Variants in ATXN2 observed in about 807,000 individuals in gnomAD.
ATXN2 encodes ataxin-2.
A neutral mutation model predicts 138.6 loss-of-function variants in ATXN2; 37 were observed. The observed-to-expected ratio is 0.27, with a 90% CI of 0.21 to 0.35. The LOEUF is 0.35. Among genes scored for constraint, ATXN2 ranks in the 10% least tolerant of loss-of-function variants. The pLI is 1.00. For synonymous variants in ATXN2, 549 were observed against 543.7 expected (o/e 1.01, Z -0.13); for missense variants, 1,216 against 1,480.3 (o/e 0.82, Z 2.93).
At chr12:111,494,411 C>A (rs1294996221) in intron 14 of ATXN2, among the ~76,000 whole-genome samples, 1 of 151,230 alleles carries the variant, frequency 6.6e-6, no homozygotes, top group African/African-American at 2.4e-5. Flanking sequence ...TTATTTGCAA[C>A]CCTTATGTGA....
chr12:111,553,467 T>C (rs1190183714), intron 3 of ATXN2, among the ~76,000 whole-genome samples: 1 of 143,048 alleles, frequency 7.0e-6, no homozygotes, highest in Non-Finnish European at 1.5e-5. Flanking sequence ...ATACCTAATA[T>C]AATGTAAATG....
chr12:111,509,026 T>C (rs1879351881), intron 14 of ATXN2, among the ~76,000 whole-genome samples: 1 of 152,200 alleles, frequency 6.6e-6, no homozygotes, highest in Non-Finnish European at 1.5e-5. Flanking sequence ...GGTCTCAAAA[T>C]CTACCTCGAT....
intron 1 of ATXN2, among the ~76,000 whole-genome samples, chr12:111,576,095 CAT>C (rs1883626472): frequency 7.8e-6 from 1 of 128,082 alleles, no homozygotes; most frequent in African/African-American, 3.9e-5. Context: ...AATAACATAA[CAT>C]AACATAACAT....
chr12:111,585,216 C>G (rs1884257130), intron 1 of ATXN2, among the ~76,000 whole-genome samples: 2 of 152,030 alleles, frequency 1.3e-5, no homozygotes, highest in Admixed American at 6.6e-5. Flanking sequence ...TATAAACTTA[C>G]AGTCAAAACT....
In ATXN2 at chr12:111,581,453, G is replaced by C. The variant is rs115686169; in HGVS notation, c.251+17331C>G. On this transcript the variant is annotated intron_variant, in intron 1 of 24. Coordinates refer to ENST00000673436, the MANE Select transcript of ATXN2 (RefSeq NM_001372574.1). ...CCCTAACTATGAGATGCTCAAGGAGGAGCAAGAGGTGGCTGTGCTGGGGGC... is the reference window on the plus strand; with the variant it reads ...CCCTAACTATGAGATGCTCAAGGAGCAGCAAGAGGTGGCTGTGCTGGGGGC... The C allele has an allele frequency of 1.9e-3, 1,610 of 850,502 alleles. 20 individuals carry two copies. The African/African-American group carries it at 0.021, about 11-fold the overall frequency. 52.7% of individuals were successfully genotyped at this position (850,502 alleles called of 1,614,324 possible).
chr12:111,507,440 C>G (rs1879216387), intron 14 of ATXN2, among the ~76,000 whole-genome samples: 1 of 151,894 alleles, frequency 6.6e-6, no homozygotes, highest in African/African-American at 2.4e-5. Context: ...GCCACCCCGT[C>G]TGGGAAGTGA....
rs1320614334 is a variant in ATXN2 at position 111,598,948 on chromosome 12, C to T, written c.87G>A (p.Pro29=). 3 of 1,425,560 alleles carry T rather than the reference C, an allele frequency of 2.1e-6. No homozygotes were observed. The highest frequency in any genetic ancestry group is 2.6e-5 in the Admixed American group (1 of 39,048). 88.3% of individuals were successfully genotyped at this position (1,425,560 alleles called of 1,614,324 possible). Residue 29 remains proline, a synonymous_variant, in exon 1 of 25, where the codon CCG becomes CCA. Coordinates refer to ENST00000673436, the MANE Select transcript of ATXN2 (RefSeq NM_001372574.1). This position sits in a 1 kb window ranked among gnomAD's most constrained non-coding sequence, Gnocchi z 4.5. ...TGCGGACATTGGCAGCCGCGGGCGG[C>T]GGCTGCTGCTGCTGCTGCTGCTGCT... The part of the protein sequence containing the change: ...QQQQQQQQQQ[P]PPAAANVRKP...
chr12:111,552,969 T>C lies in ATXN2; in HGVS notation c.357A>G (p.Lys119=). 8.3e-6 allele frequency: 13 copies of C among 1,558,942 alleles called. No homozygotes were observed. The highest frequency in any genetic ancestry group is 1.1e-5 in the Non-Finnish European group (13 of 1,156,056). The part of the protein sequence containing the change: ...VHILTSVVGS[K]CEVQVKNGGI... ...CTCCATTTTTCACTTGTACTTCACA[T>C]TTGGAGCCCTAAAAACATATAATTT... The change falls in exon 4 of 25, where the codon AAA becomes AAG. Residue 119 remains lysine, a synonymous_variant. Transcript: ENST00000673436. This position sits in a 1 kb window ranked among gnomAD's most constrained non-coding sequence, Gnocchi z 4.1.
chr12:111,535,553 C>T (rs1392345105), intron 5 of ATXN2, among the ~76,000 whole-genome samples: 3 of 151,998 alleles, frequency 2.0e-5, no homozygotes, highest in South Asian at 2.1e-4. Flanking sequence ...ACCCGGGAGG[C>T]AGAGGTTGTG....
chr12:111,492,507 C>A (rs1878102549), intron 14 of ATXN2, among the ~76,000 whole-genome samples: 1 of 152,102 alleles, frequency 6.6e-6, no homozygotes, highest in Non-Finnish European at 1.5e-5. Context: ...CATGGTGAAA[C>A]ACCATATTTA....
At chr12:111,462,826 T>C (rs1275688215) in intron 21 of ATXN2, among the ~76,000 whole-genome samples, 1 of 152,162 alleles carries the variant, frequency 6.6e-6, no homozygotes, top group Non-Finnish European at 1.5e-5. Context: ...ACCTACTATC[T>C]TTTACACACT....
intron 20 of ATXN2, 25 bp downstream of exon 20, chr12:111,470,082 GA>G: frequency 6.2e-7 from 1 of 1,610,480 alleles, no homozygotes; most frequent in South Asian, 1.1e-5. Flanking sequence ...ACACACACTG[GA>G]AGAGACAAAC....
At chr12:111,551,202 C>G (rs895367969) in intron 5 of ATXN2, among the ~76,000 whole-genome samples, 1 of 150,948 alleles carries the variant, frequency 6.6e-6, no homozygotes, top group African/African-American at 2.4e-5. Context: ...GAGGCTGAGG[C>G]AGGAGAATCG....
intron 18 of ATXN2, among the ~76,000 whole-genome samples, chr12:111,480,035 A>G (rs1254208986): frequency 6.6e-6 from 1 of 151,706 alleles, no homozygotes; most frequent in Non-Finnish European, 1.5e-5. Flanking sequence ...AAAAAAAAAA[A>G]AAGAAAAAGA....
intron 12 of ATXN2, 28 bp downstream of exon 12, chr12:111,510,357 A>G (rs1377744041): frequency 6.3e-7 from 1 of 1,597,540 alleles, no homozygotes; most frequent in Admixed American, 1.7e-5. Context: ...AGCTGAGATT[A>G]TGGATCCAGA....
chr12:111,555,383 G>A (rs1043098899), intron 2 of ATXN2, among the ~76,000 whole-genome samples: 14 of 152,214 alleles, frequency 9.2e-5, no homozygotes, highest in African/African-American at 3.1e-4. Flanking sequence ...AATAATTCTC[G>A]TGTGTCAAGG....
chr12:111,533,370 C>T (rs1015105341), intron 5 of ATXN2, among the ~76,000 whole-genome samples: 1 of 152,074 alleles, frequency 6.6e-6, no homozygotes, highest in Non-Finnish European at 1.5e-5. Context: ...TGCATACTCT[C>T]GCATACTTTA....
chr12:111,584,893 C>T (rs1312719176), intron 1 of ATXN2, among the ~76,000 whole-genome samples: 6 of 152,000 alleles, frequency 3.9e-5, no homozygotes, highest in Admixed American at 2.0e-4. Context: ...CACTTGAACC[C>T]GGGAGGCAGA....
Position 111,545,349 on chromosome 12 carries a change from C to A in ATXN2, c.571+6931G>T, listed in dbSNP as rs1592885704. On this transcript the variant is annotated intron_variant, in intron 5 of 24. Transcript: ENST00000673436. ...TGGTGGCTCACGCCTGTAATCCCAG[C>A]ACTTTGGGAGGCTGAGGCAGGTGAT... 2.0e-5 allele frequency among the ~76,000 whole-genome samples: 3 copies of A among 152,092 alleles called. No individual in the cohort carries two copies. In the East Asian group the frequency reaches 5.8e-4, roughly 30 times the overall value.
Sources: gnomAD v4.1 joint callset for allele counts (sites outside exome capture counted in the v4.1 genomes callset) on GRCh38, gnomAD v4.1.1 for gene constraint, Gnocchi (gnomAD v3.1) non-coding constraint, MANE v1.5 for transcripts, NCBI Gene and HGNC (gene_info 2026-07-23, HGNC 2026-07-21) for gene names.